The following POPDC3 variants were observed in gnomAD, a reference collection of about 807,000 sequenced individuals.
POPDC3 encodes the protein popeye domain cAMP effector 3, also known as popeye domain-containing protein 3.
A neutral mutation model predicts 28.2 loss-of-function variants in POPDC3; 20 were observed. The observed-to-expected ratio is 0.71, with a 90% CI of 0.50 to 1.03. The LOEUF (loss-of-function observed/expected upper bound fraction) is 1.03. Among genes scored for constraint, POPDC3 ranks in the 50% least tolerant of loss-of-function variants. The pLI, the probability that POPDC3 is intolerant of heterozygous loss-of-function variation, is 0.00. For synonymous variants in POPDC3, 118 were observed against 124.1 expected, an observed-to-expected ratio of 0.95 and a Z score of 0.33; for missense variants, 316 against 345.9, an observed-to-expected ratio of 0.91 and a Z score of 0.69.
chr6:105,168,774 AG>A (rs1774513127), intron 1 of POPDC3: 1 of 152,266 alleles, frequency 6.6e-6, no homozygotes, highest in Non-Finnish European at 1.5e-5. Context: ...ATTGGATGTC[AG>A]AGTGATTGAT....
chr6:105,176,291 T>C (rs1264527941), intron 1 of POPDC3, among the ~76,000 whole-genome samples: 2 of 152,204 alleles, frequency 1.3e-5, no homozygotes, highest in Non-Finnish European at 2.9e-5. Context: ...TATACACTGA[T>C]GACAGAAGTA....
chr6:105,168,529 C>T (rs1582994746), intron 1 of POPDC3, among the ~76,000 whole-genome samples: 1 of 152,322 alleles, frequency 6.6e-6, no homozygotes, highest in East Asian at 1.9e-4. Flanking sequence ...CATGATTGAT[C>T]TCTCATTTTA....
At chr6:105,159,209 A>G (rs1158998357) in intron 3 of POPDC3, among the ~76,000 whole-genome samples, 2 of 152,260 alleles carry the variant, frequency 1.3e-5, no homozygotes, top group East Asian at 3.8e-4. Flanking sequence ...AAACTGTGTA[A>G]CAAAATAAAT....
At chr6:105,172,942 C>G (rs537015845) in intron 1 of POPDC3, among the ~76,000 whole-genome samples, 1 of 151,490 alleles carries the variant, frequency 6.6e-6, no homozygotes, top group Non-Finnish European at 1.5e-5. Context: ...TGCTAAATGA[C>G]GAGTCAATGG....
chr6:105,159,412 T>C (rs1463318573), intron 3 of POPDC3, among the ~76,000 whole-genome samples: 3 of 152,260 alleles, frequency 2.0e-5, no homozygotes, highest in African/African-American at 7.2e-5. Flanking sequence ...CAGTGTTTAG[T>C]CAAATCTCAA....
In POPDC3 at chr6:105,158,006, C is replaced by A. The variant is rs1032243627; in HGVS notation, c.*464G>T. ...TTTTTAGTCGCATCAAGTAACTGCA[C>A]ATTTAAAATAAATAATTGCTTTCAC... On this transcript the variant is annotated 3_prime_UTR_variant, in exon 4 of 4. Transcript: ENST00000254765. 1.7e-5 allele frequency among the ~76,000 whole-genome samples: 1 copy of A among 59,770 alleles called. No homozygotes were observed. Among genetic ancestry groups the A allele is most frequent in the East Asian group, 8.2e-4 (1 of 1,226 alleles). The allele number at this position is 59,770 out of a possible 152,430, so 39.2% of individuals were successfully genotyped here.
Position 105,158,739 on chromosome 6 carries a change from C to A in POPDC3, c.607G>T (p.Ala203Ser). The change falls in exon 4 of 4, where the codon GCA becomes TCA. Residue 203 changes from alanine to serine, a missense_variant. Ala to Ser is a moderately conservative substitution (Grantham distance 99). Coordinates refer to ENST00000254765, the MANE Select transcript of POPDC3 (RefSeq NM_022361.5). ...GACACATATCGACAATCAGTTTCTGCAGTGAGGGTTACCTAAAAAACACAA... is the reference window on the plus strand; with the variant it reads ...GACACATATCGACAATCAGTTTCTGAAGTGAGGGTTACCTAAAAAACACAA... ...EEGIFQVTLT[A>S]ETDCRYVSWR... The A allele has an allele frequency of 6.2e-7, 1 of 1,608,726 alleles. No homozygotes were observed. Among genetic ancestry groups the A allele is most frequent in the Non-Finnish European group, 8.5e-7 (1 of 1,176,296 alleles).
chr6:105,165,612 A>C (rs957660936), intron 1 of POPDC3, among the ~76,000 whole-genome samples: 1 of 152,228 alleles, frequency 6.6e-6, no homozygotes, highest in African/African-American at 2.4e-5. Flanking sequence ...CAAGATGTTT[A>C]AGTGCAAAAA....
intron 1 of POPDC3, among the ~76,000 whole-genome samples, chr6:105,167,349 A>G (rs1405088569): frequency 2.6e-5 from 4 of 152,222 alleles, no homozygotes; most frequent in Admixed American, 2.0e-4. Flanking sequence ...AGCAGTTACT[A>G]TCACACAGGT....
At chr6:105,169,801 A>T (rs1774537925) in intron 1 of POPDC3, 1 of 152,152 alleles carries the variant, frequency 6.6e-6, no homozygotes, top group Non-Finnish European at 1.5e-5. Context: ...TAGGAAAGTT[A>T]AGTTGGTTGC....
intron 1 of POPDC3, chr6:105,178,952 G>A: frequency 2.0e-6 from 2 of 985,452 alleles, no homozygotes; most frequent in Non-Finnish European, 2.4e-6. Context: ...GAATTAGAGT[G>A]AAAAGTCAGG....
At chr6:105,179,655 C>T (rs1049186597) in intron 1 of POPDC3, among the ~76,000 whole-genome samples, 178 bp downstream of exon 1, 1 of 152,102 alleles carries the variant, frequency 6.6e-6, no homozygotes, top group African/African-American at 2.4e-5. Context: ...GCGGAGTTGA[C>T]CGGAGCCGGG....
In POPDC3 at chr6:105,163,865, G is replaced by A. The variant is rs533681219; in HGVS notation, c.-251-1705C>T. The A allele has an allele frequency of 8.0e-4, 121 of 152,142 alleles. 1 individual carries two copies. Among genetic ancestry groups the A allele is most frequent in the African/African-American group, 2.8e-3 (118 of 41,510 alleles). The allele number at this position is 152,142 out of a possible 1,614,324, so 9.4% of individuals were successfully genotyped here. A position where few individuals can be genotyped will look rare whatever the true frequency, so the allele number is the denominator to read the frequency against. ...TTGTTTTCAAATACATTTCAAACAT[G>A]CTGCATATCCCTAATTATTCTCCCC... On this transcript the variant is annotated intron_variant, in intron 1 of 3. Transcript: ENST00000254765.
chr6:105,169,360 T>C (rs79935689), intron 1 of POPDC3: 41 of 152,302 alleles, frequency 2.7e-4, no homozygotes, highest in African/African-American at 8.7e-4. Context: ...TGGTTCCCAG[T>C]GTCACTGAAG....
At chr6:105,159,929 C>G (rs1774284034) in intron 2 of POPDC3, 110 bp from the exon 3 acceptor site, 2 of 667,498 alleles carry the variant, frequency 3.0e-6, no homozygotes, top group Non-Finnish European at 5.2e-6. Context: ...GACTCTTGCC[C>G]TTTATGATTT....
intron 1 of POPDC3, among the ~76,000 whole-genome samples, chr6:105,172,649 A>G (rs1339615635): frequency 6.6e-6 from 1 of 150,892 alleles, no homozygotes; most frequent in Non-Finnish European, 1.5e-5. Context: ...ATGTCCAACA[A>G]TGAGAGACTG....
chr6:105,176,562 TC>T (rs1774685881), intron 1 of POPDC3, among the ~76,000 whole-genome samples: 1 of 65,900 alleles, frequency 1.5e-5, no homozygotes, highest in Non-Finnish European at 5.3e-5. Flanking sequence ...TTTTGACATA[TC>T]GTTTTTTTTT....
chr6:105,162,429 G>A (rs546363794), intron 1 of POPDC3, among the ~76,000 whole-genome samples: 1 of 152,156 alleles, frequency 6.6e-6, no homozygotes, highest in South Asian at 2.1e-4. Context: ...ACAATCACTC[G>A]GGACAGTGAC....
At chr6:105,169,237 A>T (rs996883464) in intron 1 of POPDC3, 1 of 152,232 alleles carries the variant, frequency 6.6e-6, no homozygotes, top group Middle Eastern at 3.2e-3. Flanking sequence ...GAAGCTGAAG[A>T]CACTCAATCC....
Sources: allele counts gnomAD v4.1 joint callset (sites outside exome capture counted in the v4.1 genomes callset), GRCh38; gene constraint gnomAD v4.1.1; transcripts MANE v1.5; gene names NCBI Gene and HGNC (gene_info 2026-07-23, HGNC 2026-07-21).